Variants in EYS observed in about 807,000 individuals in gnomAD.
EYS encodes the protein EGF-like photoreceptor maintenance factor.
A neutral mutation model predicts 282.1 loss-of-function variants in EYS; 250 were observed. The ratio of observed to expected loss-of-function variants is 0.89; its 90% confidence interval spans 0.80 to 0.98. The LOEUF is 0.98. Among genes scored for constraint, EYS ranks in the 50% least tolerant of loss-of-function variants. The pLI is 0.00. For missense variants in EYS, 4,016 were observed against 3,709.0 expected, an observed-to-expected ratio of 1.08 and a Z score of -2.15; for synonymous variants, 1,355 against 1,282.9, an observed-to-expected ratio of 1.06 and a Z score of -1.20.
intron 35 of EYS, among the ~76,000 whole-genome samples, chr6:63,902,680 A>T (rs955800273): frequency 1.3e-5 from 2 of 152,196 alleles, no homozygotes; most frequent in Admixed American, 1.3e-4. Context: ...GTGGTAAATT[A>T]AGATGCACAT....
Position 64,348,088 on chromosome 6 carries a change from A to G in EYS, c.6078+40602T>C, listed in dbSNP as rs148591615. Among the ~76,000 whole-genome samples the G allele has an allele frequency of 5.1e-4, 77 of 151,506 alleles. No homozygotes were observed. The East Asian group carries it at 0.013, about 25-fold the overall frequency. ...TCTATAACCACTAGAGTAGCCCAAC[A>G]AGACAATTCTGGCTTGCTAAAAGAA... On this transcript the variant is annotated intron_variant, in intron 29 of 42. Transcript: ENST00000503581.
chr6:63,997,807 T>G (rs1269625324), intron 34 of EYS, among the ~76,000 whole-genome samples: 1 of 152,226 alleles, frequency 6.6e-6, no homozygotes, highest in African/African-American at 2.4e-5. Context: ...GATTCATTAA[T>G]GTAGAAGTTG....
chr6:63,850,427 G>C (rs759232580), intron 36 of EYS, among the ~76,000 whole-genome samples: 15 of 152,178 alleles, frequency 9.9e-5, no homozygotes, highest in Non-Finnish European at 2.1e-4. Context: ...GGCAGTCAGA[G>C]AGAAAGATTG....
intron 12 of EYS, among the ~76,000 whole-genome samples, chr6:65,074,215 G>C (rs1050074762): frequency 6.6e-6 from 1 of 151,844 alleles, no homozygotes; most frequent in Admixed American, 6.6e-5. Context: ...ACAATATGCC[G>C]ACTCTATGGT....
intron 30 of EYS, among the ~76,000 whole-genome samples, chr6:64,254,188 A>G (rs1267383553): frequency 6.6e-6 from 1 of 152,022 alleles, no homozygotes; most frequent in Admixed American, 6.6e-5. Context: ...CATATTTTCT[A>G]GCTACAATAC....
intron 30 of EYS, among the ~76,000 whole-genome samples, chr6:64,240,495 A>G (rs1233432337): frequency 6.6e-6 from 1 of 151,874 alleles, no homozygotes; most frequent in South Asian, 2.1e-4. Context: ...ATTCCTAGGT[A>G]TTTTATTCTC....
At chr6:65,509,117 AC>A (rs1163532174) in intron 2 of EYS, among the ~76,000 whole-genome samples, 1 of 152,256 alleles carries the variant, frequency 6.6e-6, no homozygotes, top group African/African-American at 2.4e-5. Flanking sequence ...GGAGTAACGT[AC>A]TATAAACAGA....
At chr6:63,908,057 TGTGTGTGTAA>T (rs1304641201) in intron 35 of EYS, among the ~76,000 whole-genome samples, 2 of 138,888 alleles carry the variant, frequency 1.4e-5, no homozygotes, top group Non-Finnish European at 3.1e-5. Flanking sequence ...TGTGTGTGTG[TGTGTGTGTAA>T]ATATATCTGT....
intron 5 of EYS, among the ~76,000 whole-genome samples, chr6:65,458,580 C>A (rs535036392): frequency 1.2e-4 from 19 of 152,246 alleles, no homozygotes; most frequent in African/African-American, 4.6e-4. Flanking sequence ...TTTATCACTT[C>A]AAAGCTGAAG....
intron 22 of EYS, among the ~76,000 whole-genome samples, chr6:64,722,926 G>T (rs1386073750): frequency 6.6e-6 from 1 of 152,022 alleles, no homozygotes; most frequent in Non-Finnish European, 1.5e-5. Flanking sequence ...TTATCACAGG[G>T]ACACTCTCAA....
intron 1 of EYS, among the ~76,000 whole-genome samples, chr6:65,683,154 G>T (rs1393153589): frequency 6.6e-6 from 1 of 151,948 alleles, no homozygotes; most frequent in Non-Finnish European, 1.5e-5. Context: ...TATATTTGAT[G>T]TGTTTTTATC....
At chr6:65,570,844 G>A (rs1335378507) in intron 2 of EYS, among the ~76,000 whole-genome samples, 2 of 152,108 alleles carry the variant, frequency 1.3e-5, no homozygotes, top group African/African-American at 4.8e-5. Context: ...CTTTTAAAAT[G>A]AATGTCTTCA....
chr6:64,774,460 T>C (rs187933824), intron 22 of EYS, among the ~76,000 whole-genome samples: 17 of 152,038 alleles, frequency 1.1e-4, no homozygotes, highest in African/African-American at 3.9e-4. Flanking sequence ...GTACCTGCTA[T>C]CACCATGCAT....
rs372723582 is a variant in EYS at position 64,272,524 on chromosome 6, A to G, written c.6191+34446T>C. 3.3e-5 allele frequency among the ~76,000 whole-genome samples: 5 copies of G among 152,166 alleles called. No homozygotes were observed. The South Asian group carries it at 6.2e-4, about 19-fold the overall frequency. ...CTGTAATGGATTTTATTTCTCCTTC[A>G]CTTATGAAGCTTAGTTTGGCTGGAT... On this transcript the variant is annotated intron_variant, in intron 30 of 42. Transcript: ENST00000503581.
chr6:65,302,115 T>G (rs1281973450), intron 11 of EYS, among the ~76,000 whole-genome samples: 1 of 152,270 alleles, frequency 6.6e-6, no homozygotes, highest in Admixed American at 6.5e-5. Flanking sequence ...GTTTTGTTTT[T>G]GAGGAGATAA....
chr6:64,514,589 A>C (rs745733828), intron 26 of EYS, among the ~76,000 whole-genome samples: 1 of 151,856 alleles, frequency 6.6e-6, no homozygotes, highest in Non-Finnish European at 1.5e-5. Flanking sequence ...CAGCTGTTAT[A>C]AGGGGAGTAA....
chr6:64,139,562 G>A (rs1387756770), intron 31 of EYS, among the ~76,000 whole-genome samples: 1 of 152,136 alleles, frequency 6.6e-6, no homozygotes, highest in East Asian at 1.9e-4. Context: ...ATATTTAAAA[G>A]GGATAAGATT....
intron 1 of EYS, among the ~76,000 whole-genome samples, chr6:65,648,648 C>A (rs1359209412): frequency 6.6e-6 from 1 of 151,614 alleles, no homozygotes; most frequent in African/African-American, 2.4e-5. Context: ...TCAGAAATCA[C>A]CATTAGAGTA....
intron 12 of EYS, among the ~76,000 whole-genome samples, chr6:65,088,752 G>C (rs562515707): frequency 3.3e-5 from 5 of 152,294 alleles, no homozygotes; most frequent in African/African-American, 1.2e-4. Context: ...GGGTGTGTCA[G>C]AGACCTTCAT....
Sources: gnomAD v4.1 joint callset for allele counts (sites outside exome capture counted in the v4.1 genomes callset) on GRCh38, gnomAD v4.1.1 for gene constraint, MANE v1.5 for transcripts, NCBI Gene and HGNC (gene_info 2026-07-23, HGNC 2026-07-21) for gene names.